MIS18BP1: variants seen among roughly 807,000 people sequenced by gnomAD.
MIS18BP1 encodes the protein MIS18 binding protein 1.
Under a neutral mutation model 116.1 loss-of-function variants are expected in MIS18BP1, and 72 were observed. The ratio of observed to expected loss-of-function variants is 0.62; its 90% CI spans 0.51 to 0.75. The LOEUF (loss-of-function observed/expected upper bound fraction) is 0.75, where lower values mean the gene tolerates loss of function less well. MIS18BP1 is among the 30% of genes least tolerant of loss of function. The pLI is 0.00. For missense variants in MIS18BP1, 1,363 were observed against 1,303.2 expected (o/e 1.05, Z -0.71); for synonymous variants, 386 against 427.0 (o/e 0.90, Z 1.18).
intron 13 of MIS18BP1, among the ~76,000 whole-genome samples, chr14:45,215,894 C>T (rs552997479): frequency 1.3e-5 from 2 of 151,882 alleles, no homozygotes; most frequent in East Asian, 1.9e-4. Context: ...TTAGTAGAGA[C>T]GAGCTTTCAC....
chr14:45,204,618 G>A (rs1890461550), intron 15 of MIS18BP1, among the ~76,000 whole-genome samples, 165 bp from the exon 16 acceptor site: 1 of 151,880 alleles, frequency 6.6e-6, no homozygotes, highest in Non-Finnish European at 1.5e-5. Flanking sequence ...TCTCTTTTGG[G>A]TTTATCCAGG....
chr14:45,236,931 A>G (rs1891444295), intron 5 of MIS18BP1, among the ~76,000 whole-genome samples: 1 of 152,206 alleles, frequency 6.6e-6, no homozygotes, highest in South Asian at 2.1e-4. Flanking sequence ...ATGGGCATAA[A>G]GCAGACAGAT....
intron 3 of MIS18BP1, 67 bp from the exon 4 acceptor site, chr14:45,242,585 TA>T: frequency 6.6e-7 from 1 of 1,510,940 alleles, no homozygotes; most frequent in Non-Finnish European, 8.8e-7. Flanking sequence ...TTAAAAGAGA[TA>T]AATTTAGGTT....
Position 45,235,249 on chromosome 14 carries a change from T to C in MIS18BP1, c.1348+565A>G, listed in dbSNP as rs1241169741. Among the ~76,000 whole-genome samples, 4 of 149,612 alleles carry C rather than the reference T, an allele frequency of 2.7e-5. No individual in the cohort carries two copies. The East Asian group carries it at 7.9e-4, about 30-fold the overall frequency. ...AACCCCAAGCCTCTTAACACTTCTG[T>C]ATCCATTCCCTGGGGGCATATGTGG... On this transcript the variant is annotated intron_variant, in intron 6 of 16. Transcript: ENST00000310806.
intron 6 of MIS18BP1, 27 bp from the exon 7 acceptor site, chr14:45,232,847 A>C (rs1891326918): frequency 9.5e-7 from 1 of 1,052,460 alleles, no homozygotes; most frequent in Non-Finnish European, 1.4e-6. Context: ...AACAACAAAA[A>C]GTATTTAAAA....
At chr14:45,205,267 A>G (rs1177072077) in intron 15 of MIS18BP1, among the ~76,000 whole-genome samples, 1 of 152,108 alleles carries the variant, frequency 6.6e-6, no homozygotes, top group African/African-American at 2.4e-5. Flanking sequence ...ACATAAATCA[A>G]TATAATCATG....
chr14:45,212,145 C>G (rs1890691174), intron 13 of MIS18BP1, among the ~76,000 whole-genome samples: 1 of 152,196 alleles, frequency 6.6e-6, no homozygotes, highest in Non-Finnish European at 1.5e-5. Context: ...GTTTGGAACT[C>G]TACCCAGCCC....
chr14:45,215,725 G>C (rs1289034856), intron 13 of MIS18BP1, among the ~76,000 whole-genome samples: 2 of 124,992 alleles, frequency 1.6e-5, no homozygotes, highest in Non-Finnish European at 3.3e-5. Context: ...TTTTTTTTGA[G>C]ATGGAGTCTC....
chr14:45,235,984 A>C (rs772822709), intron 5 of MIS18BP1, 40 bp from the exon 6 acceptor site: 3 of 1,518,950 alleles, frequency 2.0e-6, no homozygotes, highest in Non-Finnish European at 2.7e-6. Context: ...CAAAATATTC[A>C]TATAGAAATT....
intron 6 of MIS18BP1, among the ~76,000 whole-genome samples, chr14:45,235,538 C>T (rs529007549): frequency 4.3e-5 from 6 of 138,690 alleles, no homozygotes; most frequent in South Asian, 2.3e-4. Context: ...TGCAGTGAGC[C>T]GAGATCGTGC....
At chr14:45,252,767 T>TA (rs35727165) in intron 1 of MIS18BP1, among the ~76,000 whole-genome samples, 403 of 135,616 alleles carry the variant, frequency 3.0e-3, no homozygotes, top group Middle Eastern at 0.015. Flanking sequence ...CTTGGTATTC[T>TA]AAAAAAAAAA....
At chr14:45,240,757 C>T (rs2139231846) in intron 4 of MIS18BP1, among the ~76,000 whole-genome samples, 1 of 152,010 alleles carries the variant, frequency 6.6e-6, no homozygotes, top group Non-Finnish European at 1.5e-5. Flanking sequence ...AAAAATTTAG[C>T]CGGGCATGGC....
chr14:45,232,665 C>T (rs767153340), intron 7 of MIS18BP1, 68 bp downstream of exon 7: 1 of 875,180 alleles, frequency 1.1e-6, no homozygotes, highest in Non-Finnish European at 1.8e-6. Context: ...CATGGTGGCA[C>T]ACACATAATT....
intron 13 of MIS18BP1, among the ~76,000 whole-genome samples, chr14:45,216,384 A>G (rs1295317811): frequency 6.6e-6 from 1 of 152,214 alleles, no homozygotes; most frequent in Non-Finnish European, 1.5e-5. Context: ...TATAATTCAG[A>G]AAGTACATAA....
At chr14:45,243,504 G>C (rs527958434) in intron 2 of MIS18BP1, among the ~76,000 whole-genome samples, 1 of 151,798 alleles carries the variant, frequency 6.6e-6, no homozygotes, top group Non-Finnish European at 1.5e-5. Context: ...AATGTTTCTC[G>C]AATGTAGTTT....
In MIS18BP1 at chr14:45,247,019, G is replaced by A; in HGVS notation, c.268C>T (p.Leu90Phe). 1 of 1,613,464 alleles carries A rather than the reference G, an allele frequency of 6.2e-7. No homozygotes were observed. Among genetic ancestry groups the A allele is most frequent in the African/African-American group, 1.3e-5 (1 of 75,022 alleles). ...TTGGGCTTTATAGCACTGATATCAA[G>A]AGAACTGTTAGAGGTAGTAGCCTCT... ...LTEATTSNSS[L>F]DISAIKPNKD... is the part of the protein sequence containing the mutation. Residue 90 changes from leucine to phenylalanine, a missense_variant, in exon 2 of 17, where the codon CTT becomes TTT. Coordinates refer to ENST00000310806, the MANE Select transcript of MIS18BP1 (RefSeq NM_018353.5).
chr14:45,235,361 A>G (rs923991596), intron 6 of MIS18BP1, among the ~76,000 whole-genome samples: 2 of 152,066 alleles, frequency 1.3e-5, no homozygotes, highest in Non-Finnish European at 2.9e-5. Flanking sequence ...TTGCTATTGC[A>G]TCATTTTTTT....
intron 11 of MIS18BP1, among the ~76,000 whole-genome samples, chr14:45,219,084 A>T (rs1383861642): frequency 1.3e-5 from 2 of 151,790 alleles, no homozygotes; most frequent in South Asian, 2.1e-4. Flanking sequence ...TACCACCCCC[A>T]CTCTCCCCAT....
Position 45,204,457 on chromosome 14 carries a change from T to G in MIS18BP1, c.3241-4A>C, listed in dbSNP as rs77892698. 1,337 of 1,589,088 alleles carry G rather than the reference T, an allele frequency of 8.4e-4. 17 individuals carry two copies. In the African/African-American group the frequency reaches 0.016, roughly 19 times the overall value. On this transcript the variant is annotated splice_polypyrimidine_tract_variant and splice_region_variant and intron_variant, in intron 15 of 16. Coordinates refer to ENST00000310806, the MANE Select transcript of MIS18BP1 (RefSeq NM_018353.5). Reference sequence around the variant, plus strand: ...GAGTTGAGAAATCAGTTTCAACCTATAAAAGAGTTACTATTAATAGCTAAA... The same window carrying G: ...GAGTTGAGAAATCAGTTTCAACCTAGAAAAGAGTTACTATTAATAGCTAAA...
Sources: allele counts gnomAD v4.1 joint callset (sites outside exome capture counted in the v4.1 genomes callset), GRCh38; gene constraint gnomAD v4.1.1; transcripts MANE v1.5; gene names NCBI Gene and HGNC (gene_info 2026-07-23, HGNC 2026-07-21).